Variants in ARHGAP44 observed in about 807,000 individuals in gnomAD.
The protein encoded by ARHGAP44 is Rho GTPase activating protein 44, also known as rho GTPase-activating protein 44.
A neutral mutation model predicts 106.8 loss-of-function variants in ARHGAP44; 43 were observed. The ratio of observed to expected loss-of-function variants is 0.40; its 90% CI spans 0.32 to 0.52. The LOEUF is 0.52. Ranked by LOEUF, ARHGAP44 falls within the 20% of genes least tolerant of loss-of-function variation. The probability of loss-of-function intolerance (pLI) is 0.48; values close to 1 mark genes in which losing one functional copy is unlikely to be tolerated. For missense variants in ARHGAP44, 866 were observed against 1,050.5 expected (o/e 0.82, Z 2.43); for synonymous variants, 439 against 410.3 (o/e 1.07, Z -0.85).
intron 1 of ARHGAP44, among the ~76,000 whole-genome samples, chr17:12,889,452 T>G (rs1295765621): frequency 6.6e-6 from 1 of 152,146 alleles, no homozygotes; most frequent in Non-Finnish European, 1.5e-5. Context: ...TGTCCTTTTA[T>G]AAGAAACCCA....
intron 7 of ARHGAP44, among the ~76,000 whole-genome samples, chr17:12,938,597 A>AAC (rs2038618888): frequency 6.6e-6 from 1 of 151,556 alleles, no homozygotes; most frequent in South Asian, 2.1e-4. Flanking sequence ...AAAAAAAAAA[A>AAC]AAAAAACAGC....
intron 6 of ARHGAP44, among the ~76,000 whole-genome samples, chr17:12,922,706 C>CT: frequency 6.6e-6 from 1 of 152,216 alleles, no homozygotes; most frequent in South Asian, 2.1e-4. Flanking sequence ...ATGGTCCGTT[C>CT]TCCTGCCTCA....
chr17:12,886,366 T>G (rs1025791845), intron 1 of ARHGAP44, among the ~76,000 whole-genome samples: 2 of 152,178 alleles, frequency 1.3e-5, no homozygotes, highest in Non-Finnish European at 2.9e-5. Context: ...TAATAAATCT[T>G]ATTAAGATTT....
chr17:12,937,032 A>G (rs1254431176), intron 7 of ARHGAP44, among the ~76,000 whole-genome samples: 2 of 152,194 alleles, frequency 1.3e-5, no homozygotes, highest in African/African-American at 4.8e-5. Flanking sequence ...AAGGGGAAGC[A>G]TTCATAGTGC....
chr17:12,974,059 G>C (rs1286968531), intron 17 of ARHGAP44, 30 bp from the exon 18 acceptor site: 22 of 1,548,170 alleles, frequency 1.4e-5, no homozygotes, highest in Non-Finnish European at 1.7e-6. Flanking sequence ...GTTACGCGTG[G>C]GTAAGCGGTG....
chr17:12,902,855 G>A (rs920863020), intron 3 of ARHGAP44, among the ~76,000 whole-genome samples: 1 of 152,162 alleles, frequency 6.6e-6, no homozygotes, highest in Non-Finnish European at 1.5e-5. Flanking sequence ...GTGAGGTAAA[G>A]CACGTACATG....
chr17:12,886,586 T>C (rs1228176704), intron 1 of ARHGAP44, among the ~76,000 whole-genome samples: 1 of 152,194 alleles, frequency 6.6e-6, no homozygotes, highest in African/African-American at 2.4e-5. Flanking sequence ...TGGTATTTTT[T>C]ATTTCAGTAT....
intron 1 of ARHGAP44, among the ~76,000 whole-genome samples, chr17:12,852,578 G>C (rs1200927693): frequency 2.1e-5 from 3 of 145,232 alleles, no homozygotes; most frequent in Admixed American, 6.8e-5. Context: ...ATCTTGCTCT[G>C]TTGCCCAGGC....
chr17:12,790,143 C>T (rs2033694584), intron 1 of ARHGAP44: 3 of 465,524 alleles, frequency 6.4e-6, no homozygotes, highest in East Asian at 3.8e-5. Context: ...CATCCTTTAC[C>T]TGCGTCCCCG....
At chr17:12,868,882 T>G (rs974991376) in intron 1 of ARHGAP44, among the ~76,000 whole-genome samples, 43 of 151,446 alleles carry the variant, frequency 2.8e-4, no homozygotes, top group Admixed American at 9.2e-4. Context: ...GGTCTGGAAC[T>G]CCTGACCTCG....
intron 16 of ARHGAP44, among the ~76,000 whole-genome samples, chr17:12,967,393 A>G (rs1438697351): frequency 6.6e-6 from 1 of 151,616 alleles, no homozygotes. Context: ...CAGATACACA[A>G]TAGAATATTG....
At position 12,896,435 on chromosome 17, in the gene ARHGAP44, A is replaced by G; in HGVS notation, c.122A>G (p.Gln41Arg). The G allele has an allele frequency of 6.2e-7, 1 of 1,607,782 alleles. No homozygotes were observed. Among genetic ancestry groups the G allele is most frequent in the Non-Finnish European group, 8.5e-7 (1 of 1,177,390 alleles). Residue 41 changes from glutamine to arginine, a missense_variant, in exon 3 of 21, where the codon CAG (glutamine) becomes CGG (arginine). Physicochemically the swap from Gln to Arg is conservative, Grantham distance 43. Coordinates refer to ENST00000379672, the MANE Select transcript of ARHGAP44 (RefSeq NM_014859.6). ...QVEKRLELVKQVSHSTHKKLT... is the reference protein window; with the variant it reads ...QVEKRLELVKRVSHSTHKKLT... ...GAGAAGCGTCTGGAGCTGGTGAAACAGGTGTCCCACAGCACGCACAAGAAG... is the reference window on the plus strand; with the variant it reads ...GAGAAGCGTCTGGAGCTGGTGAAACGGGTGTCCCACAGCACGCACAAGAAG...
In ARHGAP44 at chr17:12,943,772, A is replaced by G. The variant is rs115566142; in HGVS notation, c.733+103A>G. 1,212 of 1,248,722 alleles carry G rather than the reference A, an allele frequency of 9.7e-4. 9 individuals carry two copies. In the African/African-American group the frequency reaches 0.014, roughly 15 times the overall value. 77.4% of individuals were successfully genotyped at this position (1,248,722 alleles called of 1,614,324 possible). ...GTCGTTGGCCCTAACACTCTGCCCA[A>G]CAGCATCACCTGTAGATGAGCCTTT... On this transcript the variant is annotated intron_variant, in intron 9 of 20. Transcript: ENST00000379672.
At chr17:12,890,406 C>T (rs1235744124) in intron 1 of ARHGAP44, among the ~76,000 whole-genome samples, 2 of 152,196 alleles carry the variant, frequency 1.3e-5, no homozygotes, top group Non-Finnish European at 2.9e-5. Flanking sequence ...ACCACTTATG[C>T]CCTCTGGAGA....
chr17:12,939,590 A>C lies in ARHGAP44; in HGVS notation c.583-1466A>C, dbSNP rs141005139. Among the ~76,000 whole-genome samples the C allele has an allele frequency of 3.0e-3, 449 of 152,072 alleles. 9 individuals are homozygous for C. In the East Asian group the frequency reaches 0.057, roughly 19 times the overall value. The stretch of plus-strand genomic sequence containing the variant: ...ACGCCATTCTCCTGCTTCAGCCTCC[A>C]GAGTAGCTGGGACTACAGGCGCCCA... On this transcript the variant is annotated intron_variant, in intron 7 of 20. Transcript: ENST00000379672.
chr17:12,968,537 G>T (rs369725953), intron 16 of ARHGAP44, among the ~76,000 whole-genome samples: 17 of 151,640 alleles, frequency 1.1e-4, no homozygotes, highest in Admixed American at 7.2e-4. Flanking sequence ...GACTTAGAAG[G>T]GTTTGCAGGC....
chr17:12,980,282 G>C, intron 19 of ARHGAP44, 49 bp downstream of exon 19: 1 of 1,543,036 alleles, frequency 6.5e-7, no homozygotes, highest in Non-Finnish European at 8.7e-7. Flanking sequence ...AGGTGGCTGT[G>C]ACATTCCCTG....
intron 3 of ARHGAP44, among the ~76,000 whole-genome samples, chr17:12,900,252 C>T (rs988929033): frequency 1.3e-5 from 2 of 152,050 alleles, no homozygotes; most frequent in Non-Finnish European, 2.9e-5. Flanking sequence ...GCCTCAGCCT[C>T]CTGAGTAGCT....
chr17:12,852,277 C>CTTTT (rs66824907), intron 1 of ARHGAP44, among the ~76,000 whole-genome samples: 1 of 73,572 alleles, frequency 1.4e-5, no homozygotes. Flanking sequence ...ACTTTTGAAG[C>CTTTT]TTTTTTTTTT....
Sources: allele counts gnomAD v4.1 joint callset (sites outside exome capture counted in the v4.1 genomes callset), GRCh38; gene constraint gnomAD v4.1.1; transcripts MANE v1.5; gene names NCBI Gene and HGNC (gene_info 2026-07-23, HGNC 2026-07-21).